Variants in FAIM2 observed in about 807,000 individuals in gnomAD.
FAIM2 encodes protein lifeguard 2.
In FAIM2, 27 loss-of-function variants were observed where a neutral mutation model predicts 47.4. The ratio of observed to expected loss-of-function variants is 0.57; its 90% CI spans 0.42 to 0.78. FAIM2 has a LOEUF of 0.78. Among genes scored for constraint, FAIM2 ranks in the 30% least tolerant of loss-of-function variants. The pLI is 0.00. For synonymous variants in FAIM2, 156 were observed against 159.3 expected (o/e 0.98, Z 0.16); for missense variants, 311 against 389.4 (o/e 0.80, Z 1.69).
At chr12:49,890,983 T>G in intron 6 of FAIM2, 81 bp downstream of exon 6, 1 of 1,398,428 alleles carries the variant, frequency 7.2e-7, no homozygotes, top group East Asian at 2.3e-5. Flanking sequence ...CACAGCTCAC[T>G]GGTGGCTGGC....
Position 49,874,770 on chromosome 12 carries a change from C to T in FAIM2, c.802-4117G>A, listed in dbSNP as rs948898449. On this transcript the variant is annotated intron_variant, in intron 11 of 11. Transcript: ENST00000320634. The surrounding 1 kb of genome is among the most constrained non-coding windows in gnomAD (Gnocchi z 4.2). ...TCCTGCATAAATGCCAGTGTGAGGG[C>T]GTGTGGAGGCAACCCCCAGGCTGTT... is the stretch of plus-strand genomic sequence containing the variant. Among the ~76,000 whole-genome samples the T allele has an allele frequency of 9.2e-5, 14 of 152,180 alleles. No individual in the cohort carries two copies. Among genetic ancestry groups the T allele is most frequent in the African/African-American group, 2.2e-4 (9 of 41,438 alleles).
intron 3 of FAIM2, 43 bp downstream of exon 3, chr12:49,897,944 C>T: frequency 6.7e-7 from 1 of 1,484,198 alleles, no homozygotes; most frequent in Non-Finnish European, 9.4e-7. Context: ...AGGGGCTCCC[C>T]CACTGAGGCT....
intron 1 of FAIM2, 42 bp downstream of exon 1, chr12:49,903,721 ACAGGGAGCCGGGAGC>A: frequency 6.5e-7 from 1 of 1,549,552 alleles, no homozygotes; most frequent in Non-Finnish European, 8.7e-7. Flanking sequence ...GCTGAGGATG[ACAGGGAGCCGGGAGC>A]CGGAGGATGG....
At chr12:49,887,273 G>A in intron 11 of FAIM2, 113 bp downstream of exon 11, 3 of 945,780 alleles carry the variant, frequency 3.2e-6, no homozygotes, top group Non-Finnish European at 5.0e-6. Flanking sequence ...CTACCCGCAG[G>A]TGCTCCCGAG....
intron 11 of FAIM2, among the ~76,000 whole-genome samples, chr12:49,882,069 T>C (rs1946829612): frequency 6.6e-6 from 1 of 152,210 alleles, no homozygotes. Context: ...GTCTGGGGCC[T>C]CCTCCTACAC....
chr12:49,897,769 C>T (rs532574986), intron 3 of FAIM2, among the ~76,000 whole-genome samples, 186 bp from the exon 4 acceptor site: 2 of 151,342 alleles, frequency 1.3e-5, no homozygotes, highest in South Asian at 2.1e-4. Context: ...AGCGCACCCC[C>T]CCCCAGCATT....
intron 11 of FAIM2, among the ~76,000 whole-genome samples, chr12:49,877,999 T>C (rs1484907900): frequency 6.6e-6 from 1 of 151,956 alleles, no homozygotes; most frequent in Non-Finnish European, 1.5e-5. Flanking sequence ...TGTGTATGTG[T>C]GCATGTGCAT....
chr12:49,884,977 A>C (rs1317493814), intron 11 of FAIM2, among the ~76,000 whole-genome samples: 1 of 152,136 alleles, frequency 6.6e-6, no homozygotes, highest in Admixed American at 6.5e-5. Context: ...CCGTCTCAAA[A>C]AAAAAGACTC....
At chr12:49,872,185 C>T (rs1446412012) in intron 11 of FAIM2, among the ~76,000 whole-genome samples, 6 of 152,054 alleles carry the variant, frequency 3.9e-5, no homozygotes, top group Non-Finnish European at 8.8e-5. Flanking sequence ...TCATGGGGGA[C>T]ACTTATAGGT....
At chr12:49,900,740 G>A (rs1946976147) in intron 2 of FAIM2, among the ~76,000 whole-genome samples, 1 of 152,166 alleles carries the variant, frequency 6.6e-6, no homozygotes, top group South Asian at 2.1e-4. Flanking sequence ...ACTCACAGGG[G>A]CCAGGCCCAG....
At chr12:49,891,525 C>A (rs894340773) in intron 5 of FAIM2, among the ~76,000 whole-genome samples, 1 of 152,140 alleles carries the variant, frequency 6.6e-6, no homozygotes, top group Non-Finnish European at 1.5e-5. Flanking sequence ...GGAGGTCAGG[C>A]GACTTGTCCA....
chr12:49,890,921 G>C, intron 6 of FAIM2, 143 bp downstream of exon 6: 1 of 897,788 alleles, frequency 1.1e-6, no homozygotes, highest in African/African-American at 1.6e-5. Flanking sequence ...AAGGAGGGAG[G>C]GGCTGCCTGC....
chr12:49,879,417 AGT>A (rs1300399492), intron 11 of FAIM2, among the ~76,000 whole-genome samples: 4 of 114,078 alleles, frequency 3.5e-5, no homozygotes, highest in Middle Eastern at 6.9e-3. Flanking sequence ...TGTGCATGTG[AGT>A]GTATGTGTGT....
At chr12:49,878,070 G>C (rs1228698442) in intron 11 of FAIM2, among the ~76,000 whole-genome samples, 1 of 147,122 alleles carries the variant, frequency 6.8e-6, no homozygotes, top group Non-Finnish European at 1.5e-5. Flanking sequence ...GCGTGTATGT[G>C]TGTTTATGTG....
In FAIM2 at chr12:49,889,558, T is replaced by C; in HGVS notation, c.574A>G (p.Thr192Ala). 1 of 1,613,562 alleles carries C rather than the reference T, an allele frequency of 6.2e-7. No individual in the cohort carries two copies. The highest frequency in any genetic ancestry group is 8.5e-7 in the Non-Finnish European group (1 of 1,179,810). ...LTGMLSSYYN[T>A]TSVLLCLGIT... is the part of the protein sequence containing the mutation. ...CCCAGGCACAGCAGCACGGAGGTGG[T>C]GTTGTAGTAGCTGAGGACCGTCAGG... The change falls in exon 9 of 12, where the codon ACC becomes GCC. Residue 192 changes from threonine (T) to alanine (A), a missense_variant. By Grantham distance (58) the Thr-to-Ala change is moderately conservative (BLOSUM62 0). Transcript: ENST00000320634.
At chr12:49,895,634 A>G (rs985970437) in intron 5 of FAIM2, among the ~76,000 whole-genome samples, 1 of 152,196 alleles carries the variant, frequency 6.6e-6, no homozygotes, top group Non-Finnish European at 1.5e-5. Context: ...GCCTGCCTGC[A>G]GACAGGCCCT....
In FAIM2 at chr12:49,879,741, A is replaced by G. The variant is rs574772650; in HGVS notation, c.801+7645T>C. Among the ~76,000 whole-genome samples the G allele has an allele frequency of 5.5e-5, 7 of 126,184 alleles. No homozygotes were observed. In the East Asian group the frequency reaches 1.7e-3, roughly 31 times the overall value. The allele number at this position is 126,184 out of a possible 152,430, so 82.8% of individuals were successfully genotyped here. ...ATATGTGCAAGTGTGTGTCTGAGTG[A>G]ATGTGTATGCATGTATGTGTGTGCA... is the stretch of plus-strand genomic sequence containing the variant. On this transcript the variant is annotated intron_variant, in intron 11 of 11. Transcript: ENST00000320634.
Position 49,868,811 on chromosome 12 carries a change from C to T in FAIM2, c.*1693G>A, listed in dbSNP as rs1459322290. 1.3e-5 allele frequency: 2 copies of T among 152,334 alleles called. No homozygotes were observed. The highest frequency in any genetic ancestry group is 2.9e-5 in the Non-Finnish European group (2 of 68,130). 9.4% of individuals were successfully genotyped at this position (152,334 alleles called of 1,614,324 possible). On this transcript the variant is annotated 3_prime_UTR_variant, in exon 12 of 12. Coordinates refer to ENST00000320634, the MANE Select transcript of FAIM2 (RefSeq NM_012306.4). ...ACCAGCACACAGTGGGCATCTCACC[C>T]GTGCCCCCAATGCCTTTGCTGCACA...
chr12:49,871,292 T>G (rs1437807343), intron 11 of FAIM2, among the ~76,000 whole-genome samples: 1 of 152,204 alleles, frequency 6.6e-6, no homozygotes, highest in Non-Finnish European at 1.5e-5. Context: ...GCAGGCCGGC[T>G]TCGGAGCCCC....
Sources: gnomAD v4.1 joint callset for allele counts (sites outside exome capture counted in the v4.1 genomes callset) on GRCh38, gnomAD v4.1.1 for gene constraint, Gnocchi (gnomAD v3.1) non-coding constraint, MANE v1.5 for transcripts, NCBI Gene and HGNC (gene_info 2026-07-23, HGNC 2026-07-21) for gene names.